The following ABCC4 variants were observed in gnomAD, a reference collection of about 807,000 sequenced individuals.
The protein encoded by ABCC4 is ATP binding cassette subfamily C member 4 (PEL blood group).
Under a neutral mutation model 168.5 loss-of-function variants are expected in ABCC4, and 102 were observed. The observed-to-expected ratio is 0.61, with a 90% confidence interval of 0.52 to 0.71. The LOEUF (loss-of-function observed/expected upper bound fraction) is 0.71. Among genes scored for constraint, ABCC4 ranks in the 30% least tolerant of loss-of-function variants. The pLI is 0.00. For synonymous variants in ABCC4, 617 were observed against 590.7 expected (o/e 1.04, Z -0.65); for missense variants, 1,402 against 1,605.8 (o/e 0.87, Z 2.17).
chr13:95,290,146 A>AGATG (rs1555342160), intron 1 of ABCC4, among the ~76,000 whole-genome samples: 1 of 149,832 alleles, frequency 6.7e-6, no homozygotes, highest in Non-Finnish European at 1.5e-5. Flanking sequence ...ATAGATAGAT[A>AGATG]GATGATAGAT....
At chr13:95,104,644 C>G (rs1470921964) in intron 20 of ABCC4, among the ~76,000 whole-genome samples, 9 of 152,196 alleles carry the variant, frequency 5.9e-5, no homozygotes, top group Non-Finnish European at 1.0e-4. Flanking sequence ...TGTGGCATTC[C>G]TGTTTCATCA....
chr13:95,173,812 G>A (rs2037565021), intron 13 of ABCC4, among the ~76,000 whole-genome samples: 1 of 152,210 alleles, frequency 6.6e-6, no homozygotes, highest in East Asian at 1.9e-4. Flanking sequence ...TATTTCATGA[G>A]AATCTGCCAA....
At chr13:95,063,963 TAA>T (rs2033398262) in intron 25 of ABCC4, among the ~76,000 whole-genome samples, 1 of 152,122 alleles carries the variant, frequency 6.6e-6, no homozygotes. Context: ...GTCCATTATT[TAA>T]TAAATTTTAA....
chr13:95,099,526 C>G (rs908016485), intron 20 of ABCC4, among the ~76,000 whole-genome samples: 1 of 152,128 alleles, frequency 6.6e-6, no homozygotes, highest in Admixed American at 6.5e-5. Flanking sequence ...AAATATGACA[C>G]TAGAATTTCA....
chr13:95,296,168 ACACACACACAC>A (rs2041527884), intron 1 of ABCC4, among the ~76,000 whole-genome samples: 2 of 100,982 alleles, frequency 2.0e-5, no homozygotes, highest in African/African-American at 6.1e-5. Context: ...ACACACACAC[ACACACACACAC>A]ACACAAAAAC....
intron 30 of ABCC4, among the ~76,000 whole-genome samples, chr13:95,030,188 T>C (rs1248037143): frequency 6.6e-6 from 1 of 152,104 alleles, no homozygotes; most frequent in East Asian, 1.9e-4. Flanking sequence ...GCCTGGCTAA[T>C]TTTTTTATTT....
chr13:95,278,865 T>C (rs1465752849), intron 1 of ABCC4, among the ~76,000 whole-genome samples: 2 of 132,308 alleles, frequency 1.5e-5, no homozygotes, highest in East Asian at 4.6e-4. Context: ...TGAACTCAGA[T>C]AATTAGAAAT....
chr13:95,214,637 G>A (rs1286530761), intron 4 of ABCC4, among the ~76,000 whole-genome samples: 1 of 152,048 alleles, frequency 6.6e-6, no homozygotes, highest in Non-Finnish European at 1.5e-5. Context: ...TGTATTCCCA[G>A]CACTTTGGGT....
intron 1 of ABCC4, among the ~76,000 whole-genome samples, chr13:95,287,286 T>C (rs183785145): frequency 0.017 from 2,380 of 137,768 alleles, 36 homozygotes; most frequent in South Asian, 0.071. Context: ...AGCAAAACTC[T>C]GTCTCCAAAA....
intron 19 of ABCC4, among the ~76,000 whole-genome samples, chr13:95,139,337 T>C (rs1386592862): frequency 2.0e-5 from 3 of 152,140 alleles, no homozygotes; most frequent in Non-Finnish European, 2.9e-5. Context: ...TCACCAAACG[T>C]TGATGTCAAT....
intron 30 of ABCC4, among the ~76,000 whole-genome samples, chr13:95,029,685 T>C (rs1224392403): frequency 1.3e-5 from 2 of 152,346 alleles, no homozygotes; most frequent in South Asian, 4.1e-4. Flanking sequence ...TATTGGGAGC[T>C]AAGAGTTCAG....
chr13:95,037,186 G>A (rs2032161905), intron 29 of ABCC4, among the ~76,000 whole-genome samples: 1 of 151,218 alleles, frequency 6.6e-6, no homozygotes, highest in African/African-American at 2.4e-5. Flanking sequence ...TGCAAGATTT[G>A]AGACAAGGCA....
At chr13:95,079,068 C>G (rs891769238) in intron 21 of ABCC4, among the ~76,000 whole-genome samples, 10 of 152,168 alleles carry the variant, frequency 6.6e-5, no homozygotes, top group African/African-American at 2.2e-4. Context: ...AATTTGTAAC[C>G]TTTGAAAAGA....
intron 10 of ABCC4, 102 bp downstream of exon 10, chr13:95,188,351 A>T (rs1172070296): frequency 2.0e-6 from 2 of 1,025,018 alleles, no homozygotes; most frequent in Non-Finnish European, 3.1e-6. Flanking sequence ...TGCCAAGTGT[A>T]CCCAGTTCAA....
At chr13:95,229,333 A>G (rs1486924517) in intron 4 of ABCC4, among the ~76,000 whole-genome samples, 1 of 152,206 alleles carries the variant, frequency 6.6e-6, no homozygotes, top group Non-Finnish European at 1.5e-5. Flanking sequence ...ACAGACAGAT[A>G]CTTTACCTCA....
At chr13:95,051,220 T>A (rs2032815757) in intron 27 of ABCC4, among the ~76,000 whole-genome samples, 1 of 152,252 alleles carries the variant, frequency 6.6e-6, no homozygotes, top group Non-Finnish European at 1.5e-5. Flanking sequence ...GTGTAAGGAC[T>A]CGGCAATGAC....
At chr13:95,118,659 C>T (rs953665910) in intron 19 of ABCC4, among the ~76,000 whole-genome samples, 1 of 152,156 alleles carries the variant, frequency 6.6e-6, no homozygotes, top group Non-Finnish European at 1.5e-5. Context: ...ATGATAAATT[C>T]CCTCCATGCA....
At chr13:95,045,327 ACC>A (rs2032531521) in intron 27 of ABCC4, among the ~76,000 whole-genome samples, 1 of 152,180 alleles carries the variant, frequency 6.6e-6, no homozygotes, top group African/African-American at 2.4e-5. Flanking sequence ...TAGGCACTTT[ACC>A]ATTTTGGAAG....
intron 21 of ABCC4, among the ~76,000 whole-genome samples, chr13:95,076,202 C>T (rs999520838): frequency 1.3e-5 from 2 of 152,180 alleles, no homozygotes. Context: ...TTGTGCCGTG[C>T]CCAAGGAACC....
Sources: allele counts gnomAD v4.1 joint callset (sites outside exome capture counted in the v4.1 genomes callset), GRCh38; gene constraint gnomAD v4.1.1; transcripts MANE v1.5; gene names NCBI Gene and HGNC (gene_info 2026-07-23, HGNC 2026-07-21).